NFIB: variants seen among roughly 807,000 people sequenced by gnomAD.
NFIB encodes nuclear factor 1 B-type.
Under a neutral mutation model 61.5 loss-of-function variants are expected in NFIB, and 11 were observed. The observed-to-expected ratio is 0.18, with a 90% confidence interval of 0.11 to 0.30. NFIB has a LOEUF of 0.30. NFIB is among the 10% of genes least tolerant of loss of function. The pLI is 1.00. For missense variants in NFIB, 471 were observed against 608.9 expected, an observed-to-expected ratio of 0.77 and a Z score of 2.38; for synonymous variants, 260 against 216.5, an observed-to-expected ratio of 1.20 and a Z score of -1.76.
chr9:14,190,208 C>A (rs141829099), intron 2 of NFIB, among the ~76,000 whole-genome samples: 1 of 152,126 alleles, frequency 6.6e-6, no homozygotes, highest in East Asian at 1.9e-4. Flanking sequence ...TGATTAATAA[C>A]CAGTCCTTGT....
At chr9:14,208,049 G>C (rs2049928278) in intron 2 of NFIB, among the ~76,000 whole-genome samples, 1 of 152,146 alleles carries the variant, frequency 6.6e-6, no homozygotes, top group Non-Finnish European at 1.5e-5. Context: ...TGCACACAAT[G>C]TTCAAAATCT....
At chr9:14,337,862 T>G (rs1588329741) in intron 1 of NFIB, among the ~76,000 whole-genome samples, 2 of 152,314 alleles carry the variant, frequency 1.3e-5, no homozygotes, top group South Asian at 4.1e-4. Flanking sequence ...CAAATCCATA[T>G]TATTATGGGT....
intron 2 of NFIB, among the ~76,000 whole-genome samples, chr9:14,210,380 C>CA (rs2050185366): frequency 6.6e-6 from 1 of 151,400 alleles, no homozygotes; most frequent in African/African-American, 2.4e-5. Flanking sequence ...AAGATTTTTG[C>CA]AAAAAATAAT....
intron 2 of NFIB, among the ~76,000 whole-genome samples, chr9:14,262,251 T>A (rs901171759): frequency 2.0e-5 from 3 of 152,180 alleles, no homozygotes; most frequent in Non-Finnish European, 4.4e-5. Context: ...GATTTCCTTG[T>A]AGATTAAGAA....
At chr9:14,247,693 G>A (rs1183565218) in intron 2 of NFIB, among the ~76,000 whole-genome samples, 1 of 152,136 alleles carries the variant, frequency 6.6e-6, no homozygotes, top group African/African-American at 2.4e-5. Context: ...TACCTTGTAG[G>A]GTCACTGTGA....
At chr9:14,289,081 C>CGCGT (rs1554703167) in intron 2 of NFIB, among the ~76,000 whole-genome samples, 2 of 142,404 alleles carry the variant, frequency 1.4e-5, no homozygotes, top group Non-Finnish European at 3.0e-5. Context: ...TTTTCCAAAG[C>CGCGT]GTGTGTGTGT....
At chr9:14,502,293 G>C in the NFIB span, among the ~76,000 whole-genome samples, 1 of 152,160 alleles carries the variant, frequency 6.6e-6, no homozygotes, top group Non-Finnish European at 1.5e-5. Context: ...TCCACCTAAT[G>C]TCTTTGTAGC....
chr9:14,142,814 A>G (rs1269845847), intron 6 of NFIB, among the ~76,000 whole-genome samples: 3 of 152,182 alleles, frequency 2.0e-5, no homozygotes, highest in African/African-American at 7.2e-5. Flanking sequence ...TTTTTAATAG[A>G]GAGAGAAGCA....
chr9:14,184,611 A>G (rs767311721), intron 2 of NFIB, among the ~76,000 whole-genome samples: 4 of 152,320 alleles, frequency 2.6e-5, no homozygotes, highest in Non-Finnish European at 4.4e-5. Context: ...AATAGCCTGT[A>G]AAGTATTTCT....
intron 1 of NFIB, among the ~76,000 whole-genome samples, chr9:14,329,573 G>A (rs2060796171): frequency 6.6e-6 from 1 of 151,900 alleles, no homozygotes; most frequent in Non-Finnish European, 1.5e-5. Flanking sequence ...GGAGTGCAGT[G>A]GCGCAACCTC....
chr9:14,404,705 G>T, the NFIB span, among the ~76,000 whole-genome samples: 1 of 152,118 alleles, frequency 6.6e-6, no homozygotes, highest in African/African-American at 2.4e-5. Flanking sequence ...AATCTGCTTT[G>T]GGCTTTGACT....
chr9:14,189,498 C>T (rs1018303856), intron 2 of NFIB, among the ~76,000 whole-genome samples: 3 of 151,904 alleles, frequency 2.0e-5, no homozygotes, highest in Admixed American at 6.6e-5. Context: ...AATAATTTCA[C>T]ACAACAGTGA....
At chr9:14,096,035 A>T (rs2034733291) in intron 10 of NFIB, among the ~76,000 whole-genome samples, 1 of 152,128 alleles carries the variant, frequency 6.6e-6, no homozygotes, top group Non-Finnish European at 1.5e-5. Context: ...AGTCTTTGTT[A>T]TTTAAGTAAA....
the NFIB span, among the ~76,000 whole-genome samples, chr9:14,440,048 G>A: frequency 1.3e-5 from 2 of 152,166 alleles, no homozygotes; most frequent in South Asian, 2.1e-4. Flanking sequence ...GAACGATCCA[G>A]GCATTTGGCT....
chr9:14,169,641 C>A (rs1259602862), intron 3 of NFIB, among the ~76,000 whole-genome samples: 1 of 152,116 alleles, frequency 6.6e-6, no homozygotes, highest in Admixed American at 6.5e-5. Flanking sequence ...GCCAACATGG[C>A]GAAACCCCAC....
chr9:14,319,286 T>G (rs2060611010), intron 1 of NFIB, among the ~76,000 whole-genome samples: 1 of 152,078 alleles, frequency 6.6e-6, no homozygotes, highest in Admixed American at 6.6e-5. Context: ...CTGAGCCAGA[T>G]TCCTCCACTA....
chr9:14,525,707 T>C, the NFIB span, among the ~76,000 whole-genome samples: 7 of 152,286 alleles, frequency 4.6e-5, no homozygotes, highest in South Asian at 6.2e-4. Flanking sequence ...CTGCTACAAT[T>C]TGAAATGGAA....
chr9:14,467,970 A>G, the NFIB span, among the ~76,000 whole-genome samples: 1 of 152,262 alleles, frequency 6.6e-6, no homozygotes, highest in Non-Finnish European at 1.5e-5. Flanking sequence ...TTCTTTTCAA[A>G]TATGACTTTA....
chr9:14,194,706 C>A (rs964451199), intron 2 of NFIB, among the ~76,000 whole-genome samples: 1 of 151,954 alleles, frequency 6.6e-6, no homozygotes, highest in African/African-American at 2.4e-5. Context: ...TTATACTAAG[C>A]AGATAGCAAA....
Sources: gnomAD v4.1 joint callset for allele counts (sites outside exome capture counted in the v4.1 genomes callset) on GRCh38, gnomAD v4.1.1 for gene constraint, MANE v1.5 for transcripts, NCBI Gene and HGNC (gene_info 2026-07-23, HGNC 2026-07-21) for gene names.